Variants in CARM1 observed in about 807,000 individuals in gnomAD.
The protein encoded by CARM1 is histone-arginine methyltransferase CARM1.
In CARM1, 14 loss-of-function variants were observed where a neutral mutation model predicts 72.7. The observed-to-expected ratio is 0.19, with a 90% CI of 0.13 to 0.30. The LOEUF (loss-of-function observed/expected upper bound fraction) is 0.30, where lower values mean the gene tolerates loss of function less well. CARM1 is among the 10% of genes least tolerant of loss of function. CARM1 has a pLI of 1.00. For synonymous variants in CARM1, 333 were observed against 345.5 expected (o/e 0.96, Z 0.40); for missense variants, 432 against 833.7 (o/e 0.52, Z 5.93).
At chr19:10,908,177 T>TCCCCCCGGCAG in intron 3 of CARM1, 32 bp downstream of exon 3, 1 of 1,437,728 alleles carries the variant, frequency 7.0e-7, no homozygotes, top group Non-Finnish European at 9.7e-7. Context: ...CCAGGCCGCC[T>TCCCCCCGGCAG]CCCCCCGGCA....
chr19:10,921,726 T>C lies in CARM1; in HGVS notation c.1796T>C (p.Ile599Thr). 1.9e-6 allele frequency: 3 copies of C among 1,612,728 alleles called. No individual in the cohort carries two copies. The highest frequency in any genetic ancestry group is 1.7e-6 in the Non-Finnish European group (2 of 1,179,366). The stretch of plus-strand genomic sequence containing the variant: ...ATCTCCATGGCGTCGCCCATGTCCA[T>C]CCCGACCAACACCATGCACTACGGG... ...PAISMASPMS[I>T]PTNTMHYGS Residue 599 changes from isoleucine (I) to threonine (T), a missense_variant, in exon 16 of 16, where the codon ATC becomes ACC. By Grantham distance (89) the Ile-to-Thr change is moderately conservative. Around this residue, in one of 3 missense-constraint regions of CARM1, gnomAD observed 142 missense variants for 188.7 expected, o/e 0.75. Transcript: ENST00000327064.
chr19:10,878,261 G>A (rs1339862071), intron 1 of CARM1, among the ~76,000 whole-genome samples: 1 of 152,206 alleles, frequency 6.6e-6, no homozygotes. Context: ...AGACCACAGT[G>A]TCCTGCAAAA....
intron 1 of CARM1, among the ~76,000 whole-genome samples, chr19:10,877,666 C>T (rs562111817): frequency 3.9e-5 from 6 of 152,272 alleles, no homozygotes; most frequent in African/African-American, 1.4e-4. Flanking sequence ...AAATAATCTG[C>T]CTGCCTCAGC....
At chr19:10,911,273 C>T (rs1311333583) in intron 4 of CARM1, among the ~76,000 whole-genome samples, 1 of 152,154 alleles carries the variant, frequency 6.6e-6, no homozygotes, top group African/African-American at 2.4e-5. Context: ...CTGCATGGAT[C>T]TGCCTCATCC....
chr19:10,875,562 C>T (rs1338348199), intron 1 of CARM1, among the ~76,000 whole-genome samples: 3 of 151,784 alleles, frequency 2.0e-5, no homozygotes, highest in Non-Finnish European at 2.9e-5. Flanking sequence ...GTAGCTGGGA[C>T]TACAGGCGCC....
At chr19:10,907,506 C>T (rs2074114217) in intron 2 of CARM1, among the ~76,000 whole-genome samples, 2 of 152,128 alleles carry the variant, frequency 1.3e-5, no homozygotes, top group Admixed American at 6.6e-5. Context: ...GAACTCCTGA[C>T]AGCTGATCTG....
intron 3 of CARM1, chr19:10,908,808 G>A (rs1272985438): frequency 1.7e-5 from 5 of 288,964 alleles, no homozygotes; most frequent in Middle Eastern, 1.2e-3. Context: ...GGTGGCCCCC[G>A]ATGCCAGAAC....
chr19:10,888,464 C>T (rs895790407), intron 1 of CARM1, among the ~76,000 whole-genome samples: 4 of 152,206 alleles, frequency 2.6e-5, no homozygotes, highest in African/African-American at 9.7e-5. Flanking sequence ...GTGGTTTGAG[C>T]ACTAACCGAG....
intron 1 of CARM1, among the ~76,000 whole-genome samples, chr19:10,898,753 G>A (rs1030534147): frequency 2.6e-5 from 4 of 152,214 alleles, no homozygotes; most frequent in African/African-American, 7.2e-5. Context: ...GGTGCTGTTC[G>A]CAAGCCAGGA....
chr19:10,871,601 G>GGCGGTGGCGGCT lies in CARM1; in HGVS notation c.-98_-97insTGGCGGCTGCGG, dbSNP rs2073814038. The GGCGGTGGCGGCT allele has an allele frequency of 9.6e-6, 1 of 104,312 alleles. No homozygotes were observed. Among genetic ancestry groups the GGCGGTGGCGGCT allele is most frequent in the Non-Finnish European group, 2.0e-5 (1 of 50,446 alleles). 6.5% of individuals were successfully genotyped at this position (104,312 alleles called of 1,614,324 possible). On this transcript the variant is annotated 5_prime_UTR_variant, in exon 1 of 16. Transcript: ENST00000327064. The surrounding 1 kb of genome is among the most constrained non-coding windows in gnomAD (Gnocchi z 5.6). Reference sequence around the variant, plus strand: ...CGGCGGTAGCGGCAGCGGCGGCGGCGGCGGCGGCGGCGGCGGCGGCGGCGG... The same window carrying GGCGGTGGCGGCT: ...CGGCGGTAGCGGCAGCGGCGGCGGCGGCGGTGGCGGCTGCGGCGGCGGCGGCGGCGGCGGCGG...
At position 10,920,037 on chromosome 19, in the gene CARM1, G is replaced by T. The variant is rs77625721; in HGVS notation, c.1196+71G>T. ...GGCTTCCTGCAGCTGCAACCTGGCT[G>T]GGGGGGTGGAACATGGCTCCAGGTT... On this transcript the variant is annotated intron_variant, in intron 10 of 15. Transcript: ENST00000327064. This position sits in a 1 kb window ranked among gnomAD's most constrained non-coding sequence, Gnocchi z 5.3. 2,091 of 1,204,982 alleles carry T rather than the reference G, an allele frequency of 1.7e-3. 5 individuals are homozygous for T. Among genetic ancestry groups the T allele is most frequent in the Non-Finnish European group, 2.3e-3 (1,899 of 819,922 alleles). 74.6% of individuals were successfully genotyped at this position (1,204,982 alleles called of 1,614,324 possible).
chr19:10,894,616 G>A (rs745558699), intron 1 of CARM1, among the ~76,000 whole-genome samples: 8 of 151,940 alleles, frequency 5.3e-5, no homozygotes, highest in Non-Finnish European at 8.8e-5. Context: ...CCTCCATTTG[G>A]TGGCTACAGT....
rs762121153 is a variant in CARM1, at chr19:10,920,896, T to C, written c.1487T>C (p.Met496Thr). 33 of 1,614,070 alleles carry C rather than the reference T, an allele frequency of 2.0e-5. No homozygotes were observed. The East Asian group carries it at 3.6e-4, about 17-fold the overall frequency. Residue 496 changes from methionine to threonine, a missense_variant, in exon 13 of 16, where the codon ATG becomes ACG. Physicochemically the swap from Met to Thr is moderately conservative, Grantham distance 81. This residue lies in a region of CARM1 where 142 missense variants were observed against 188.7 expected (regional missense o/e 0.75). Transcript: ENST00000327064. This position sits in a 1 kb window ranked among gnomAD's most constrained non-coding sequence, Gnocchi z 5.3. ...CACTACACATCTCCCTCGGAAAACA[T>C]GTGGAACACGGGCAGCACCTACAAC... ...GSHYTSPSEN[M>T]WNTGSTYNLS...
intron 1 of CARM1, among the ~76,000 whole-genome samples, chr19:10,900,186 C>G (rs1024397995): frequency 1.3e-5 from 2 of 152,124 alleles, no homozygotes; most frequent in Admixed American, 1.3e-4. Context: ...GTGGCATGTG[C>G]GTGAGGTTCC....
chr19:10,913,599 T>A (rs538889718), intron 5 of CARM1, among the ~76,000 whole-genome samples: 1 of 152,142 alleles, frequency 6.6e-6, no homozygotes, highest in South Asian at 2.1e-4. Flanking sequence ...GGTTTCTCCA[T>A]GTTGGTCAGG....
At chr19:10,899,753 C>T (rs1188430120) in intron 1 of CARM1, among the ~76,000 whole-genome samples, 1 of 150,436 alleles carries the variant, frequency 6.6e-6, no homozygotes, top group African/African-American at 2.4e-5. Flanking sequence ...CGGAGTCTCA[C>T]TCTGTCGTCC....
Position 10,921,705 on chromosome 19 carries a change from C to T in CARM1, c.1775C>T (p.Ser592Phe). The T allele has an allele frequency of 6.2e-7, 1 of 1,613,594 alleles. No individual in the cohort carries two copies. Among genetic ancestry groups the T allele is most frequent in the South Asian group, 1.1e-5 (1 of 91,054 alleles). The change falls in exon 16 of 16, where the codon TCC (serine) becomes TTC (phenylalanine). Residue 592 changes from serine (S) to phenylalanine (F), a missense_variant. This residue lies in a region of CARM1 where 142 missense variants were observed against 188.7 expected (regional missense o/e 0.75). Coordinates refer to ENST00000327064, the MANE Select transcript of CARM1 (RefSeq NM_199141.2). The part of the protein sequence containing the change: ...SQFTMGGPAI[S>F]MASPMSIPTN... ...TTCACCATGGGCGGCCCCGCCATCT[C>T]CATGGCGTCGCCCATGTCCATCCCG...
In CARM1 at chr19:10,892,116, G is replaced by T. The variant is rs141902074; in HGVS notation, c.221-12835G>T. On this transcript the variant is annotated intron_variant, in intron 1 of 15. Coordinates refer to ENST00000327064, the MANE Select transcript of CARM1 (RefSeq NM_199141.2). ...ATCATTTAACATGTCAGTGTGTACC[G>T]ATGGAAATTGATCTCTTTTAATTTG... Among the ~76,000 whole-genome samples the T allele has an allele frequency of 3.3e-5, 5 of 152,266 alleles. No homozygotes were observed. In the South Asian group the frequency reaches 1.0e-3, roughly 32 times the overall value.
intron 1 of CARM1, among the ~76,000 whole-genome samples, chr19:10,892,016 C>T (rs1463394751): frequency 6.6e-6 from 1 of 152,208 alleles, no homozygotes; most frequent in African/African-American, 2.4e-5. Context: ...CCTCCTCCCT[C>T]TGTCCCTTCC....
Sources: gnomAD v4.1 joint callset for allele counts (sites outside exome capture counted in the v4.1 genomes callset) on GRCh38, gnomAD v4.1.1 for gene constraint, gnomAD v4.1.1 regional missense constraint, Gnocchi (gnomAD v3.1) non-coding constraint, MANE v1.5 for transcripts, NCBI Gene and HGNC (gene_info 2026-07-23, HGNC 2026-07-21) for gene names.